TMEM74: variants seen among roughly 807,000 people sequenced by gnomAD.
TMEM74 encodes transmembrane protein 74.
A neutral mutation model predicts 18.1 loss-of-function variants in TMEM74; 13 were observed. That is an observed-to-expected ratio of 0.72 (90% CI 0.47 to 1.14). TMEM74 has a LOEUF of 1.14. Among genes scored for constraint, TMEM74 ranks in the 50% most tolerant of loss-of-function variants. The pLI, the probability that TMEM74 is intolerant of heterozygous loss-of-function variation, is 0.00. For synonymous variants in TMEM74, 159 were observed against 146.6 expected, an observed-to-expected ratio of 1.08 and a Z score of -0.61; for missense variants, 372 against 375.9, an observed-to-expected ratio of 0.99 and a Z score of 0.09.
chr8:108,787,133 C>T (rs901461297), intron 1 of TMEM74, among the ~76,000 whole-genome samples: 4 of 152,118 alleles, frequency 2.6e-5, no homozygotes, highest in South Asian at 2.1e-4. Flanking sequence ...ACGCACTTTC[C>T]CTCGTCCATC....
chr8:108,630,157 A>G (rs1180490149), intron 2 of TMEM74, among the ~76,000 whole-genome samples: 2 of 152,090 alleles, frequency 1.3e-5, no homozygotes. Flanking sequence ...AAACAAATGG[A>G]AAGCAAAAAA....
chr8:108,657,890 ATATATATATATATT>A (rs1563742362), intron 1 of TMEM74, among the ~76,000 whole-genome samples: 5 of 121,450 alleles, frequency 4.1e-5, no homozygotes, highest in Non-Finnish European at 8.4e-5. Flanking sequence ...ATATATATAT[ATATATATATATATT>A]AATTACATAT....
At chr8:108,612,098 C>T (rs1812339829) in intron 2 of TMEM74, among the ~76,000 whole-genome samples, 1 of 152,110 alleles carries the variant, frequency 6.6e-6, no homozygotes, top group Non-Finnish European at 1.5e-5. Flanking sequence ...GATTCAATCA[C>T]CTCCCAATGG....
intron 1 of TMEM74, among the ~76,000 whole-genome samples, chr8:108,698,708 A>T (rs1813305095): frequency 6.6e-6 from 1 of 152,224 alleles, no homozygotes; most frequent in African/African-American, 2.4e-5. Context: ...TAACCATTTC[A>T]TACCCTCTGT....
At chr8:108,655,359 C>G (rs1485378451) in exon 2 of TMEM74, 14 of 152,058 alleles carry the variant, frequency 9.2e-5, no homozygotes, top group Admixed American at 5.3e-4. Context: ...AATCCCAGGA[C>G]TTTGGGAGGC....
chr8:108,715,809 AAAATT>A (rs796337215), intron 1 of TMEM74, among the ~76,000 whole-genome samples: 15 of 152,230 alleles, frequency 9.9e-5, no homozygotes, highest in African/African-American at 3.6e-4. Flanking sequence ...ACATAAAACA[AAAATT>A]AAATTATATA....
chr8:108,722,882 G>C (rs1198269701), intron 1 of TMEM74, among the ~76,000 whole-genome samples: 2 of 152,172 alleles, frequency 1.3e-5, no homozygotes, highest in Non-Finnish European at 2.9e-5. Flanking sequence ...TAGAGCCCTA[G>C]GTCTAAACCC....
Position 108,782,835 on chromosome 8 carries a change from T to C in TMEM74, c.*1346A>G, listed in dbSNP as rs190712615. ...AGGTTGGAAAAACCTCCAGGCAGAG[T>C]TGCAAAATGTAAGGTATTTCTGAGG... On this transcript the variant is annotated 3_prime_UTR_variant, in exon 2 of 2. Transcript: ENST00000297459. 2.3e-3 allele frequency among the ~76,000 whole-genome samples: 354 copies of C among 152,234 alleles called. 1 individual carries two copies. Among genetic ancestry groups the C allele is most frequent in the South Asian group, 7.5e-3 (36 of 4,814 alleles).
chr8:108,686,494 G>A (rs111660872), intron 1 of TMEM74, among the ~76,000 whole-genome samples: 4,476 of 152,014 alleles, frequency 0.029, 123 homozygotes, highest in African/African-American at 0.066. Context: ...GACCCACCGC[G>A]CCGGCCCTGT....
chr8:108,611,478 C>T (rs933144557), intron 2 of TMEM74, among the ~76,000 whole-genome samples: 3 of 152,016 alleles, frequency 2.0e-5, no homozygotes, highest in African/African-American at 7.2e-5. Flanking sequence ...TATTATAGAA[C>T]CTTGGGGTAT....
At chr8:108,730,634 C>CTTT (rs1199122765) in intron 1 of TMEM74, among the ~76,000 whole-genome samples, 1,773 of 132,148 alleles carry the variant, frequency 0.013, 102 homozygotes, top group African/African-American at 0.051. Flanking sequence ...TGCAGACTTC[C>CTTT]TTTTTTTTTT....
chr8:108,743,008 A>G (rs1355899139), intron 1 of TMEM74, among the ~76,000 whole-genome samples: 1 of 152,216 alleles, frequency 6.6e-6, no homozygotes, highest in Admixed American at 6.5e-5. Flanking sequence ...CACAAGTGGC[A>G]TTTCCTCCTT....
chr8:108,760,175 G>GAGAGGGAGA (rs1563544848), intron 1 of TMEM74, among the ~76,000 whole-genome samples: 2 of 136,564 alleles, frequency 1.5e-5, no homozygotes, highest in African/African-American at 6.1e-5. Context: ...AGAGAGAGAG[G>GAGAGGGAGA]GAGAGAGAGA....
chr8:108,691,312 T>C (rs187215432), intron 1 of TMEM74, among the ~76,000 whole-genome samples: 1 of 152,290 alleles, frequency 6.6e-6, no homozygotes, highest in Admixed American at 6.5e-5. Flanking sequence ...GAGCAGCACC[T>C]AAACCGGGAG....
rs146242420 is a variant in TMEM74, at chr8:108,710,524, G to T, written n.120-55087C>A. 3.9e-3 allele frequency among the ~76,000 whole-genome samples: 595 copies of T among 152,320 alleles called. 8 individuals are homozygous for T. Among genetic ancestry groups the T allele is most frequent in the African/African-American group, 0.014 (564 of 41,582 alleles). ...CTCATGCTGAGGTCTGAAGGGAGTG[G>T]GTAGATGAGCAGATAGCTGAAAGAA... On this transcript the variant is annotated intron_variant and non_coding_transcript_variant, in intron 1 of 3. Coordinates refer to the TMEM74 transcript ENST00000518838.
chr8:108,756,461 A>T (rs1011171733), intron 1 of TMEM74, among the ~76,000 whole-genome samples: 3 of 150,482 alleles, frequency 2.0e-5, no homozygotes, highest in Non-Finnish European at 4.4e-5. Flanking sequence ...ATTTTAGCTC[A>T]CCTTAGGTCA....
chr8:108,663,564 A>C (rs1812921416), intron 1 of TMEM74, among the ~76,000 whole-genome samples: 1 of 152,160 alleles, frequency 6.6e-6, no homozygotes, highest in Non-Finnish European at 1.5e-5. Flanking sequence ...TTCCTCAAAG[A>C]CCTACAGGCA....
intron 1 of TMEM74, 46 bp from the exon 2 acceptor site, chr8:108,785,183 G>T: frequency 7.0e-7 from 1 of 1,429,328 alleles, no homozygotes. Flanking sequence ...AGAAGCTAAG[G>T]TTGTACTTCC....
Position 108,779,248 on chromosome 8 carries a change from T to C in TMEM74, c.*4933A>G, listed in dbSNP as rs1814273515. ...AATTATTTTTGTTTGGCAAGAAAAGTAAAATTAACAGCACGATGAGAACCA... is the reference window on the plus strand; with the variant it reads ...AATTATTTTTGTTTGGCAAGAAAAGCAAAATTAACAGCACGATGAGAACCA... On this transcript the variant is annotated 3_prime_UTR_variant, in exon 2 of 2. Coordinates refer to ENST00000297459, the MANE Select transcript of TMEM74 (RefSeq NM_153015.3). Among the ~76,000 whole-genome samples, 1 of 152,134 alleles carries C rather than the reference T, an allele frequency of 6.6e-6. No homozygotes were observed.
Sources: allele counts gnomAD v4.1 joint callset (sites outside exome capture counted in the v4.1 genomes callset), GRCh38; gene constraint gnomAD v4.1.1; transcripts MANE v1.5; gene names NCBI Gene and HGNC (gene_info 2026-07-23, HGNC 2026-07-21).